The following VAV3 variants were observed in gnomAD, a reference collection of about 807,000 sequenced individuals.
VAV3 encodes the protein guanine nucleotide exchange factor VAV3.
In VAV3, 94 loss-of-function variants were observed where a neutral mutation model predicts 131.2. The ratio of observed to expected loss-of-function variants is 0.72; its 90% confidence interval spans 0.61 to 0.85. The LOEUF is 0.85. VAV3 is among the 40% of genes least tolerant of loss of function. VAV3 has a pLI of 0.00. For missense variants in VAV3, 939 were observed against 1,002.7 expected, an observed-to-expected ratio of 0.94 and a Z score of 0.86; for synonymous variants, 349 against 342.0, an observed-to-expected ratio of 1.02 and a Z score of -0.22.
chr1:107,964,370 C>T, intron 1 of VAV3: 1 of 289,600 alleles, frequency 3.5e-6, no homozygotes. Flanking sequence ...CACACACACG[C>T]AGAGTAGGTG....
chr1:107,612,917 T>G (rs1652863733), intron 21 of VAV3, among the ~76,000 whole-genome samples: 1 of 152,138 alleles, frequency 6.6e-6, no homozygotes, highest in East Asian at 1.9e-4. Context: ...TGCCTGCCTT[T>G]GAGCTAGCCA....
At chr1:107,652,212 C>T (rs1053992091) in intron 19 of VAV3, among the ~76,000 whole-genome samples, 4 of 152,042 alleles carry the variant, frequency 2.6e-5, no homozygotes, top group African/African-American at 9.7e-5. Context: ...CGGGAGTGAC[C>T]TCTCCTAGTC....
At chr1:107,667,256 A>G (rs1657475560) in intron 19 of VAV3, among the ~76,000 whole-genome samples, 1 of 152,200 alleles carries the variant, frequency 6.6e-6, no homozygotes, top group Non-Finnish European at 1.5e-5. Context: ...TCAGTTAATC[A>G]ATACACAGAA....
At chr1:107,704,822 G>T in intron 16 of VAV3, 138 bp downstream of exon 16, 1 of 1,056,714 alleles carries the variant, frequency 9.5e-7, no homozygotes, top group Non-Finnish European at 1.4e-6. Context: ...AGAAAGCCTG[G>T]CAAAGGTTTG....
intron 2 of VAV3, among the ~76,000 whole-genome samples, chr1:107,847,905 C>G (rs896598345): frequency 3.9e-5 from 6 of 152,160 alleles, no homozygotes; most frequent in African/African-American, 1.4e-4. Flanking sequence ...AGAGACTCCT[C>G]CTAACTCATT....
chr1:107,792,964 ATC>A (rs1299084581), intron 2 of VAV3, among the ~76,000 whole-genome samples: 1 of 152,142 alleles, frequency 6.6e-6, no homozygotes, highest in Non-Finnish European at 1.5e-5. Flanking sequence ...TTTAAAAGTT[ATC>A]TGTTTATCAG....
intron 13 of VAV3, 107 bp downstream of exon 13, chr1:107,751,010 T>A (rs1285183177): frequency 9.2e-7 from 1 of 1,086,560 alleles, no homozygotes; most frequent in South Asian, 1.5e-5. Context: ...CTCCTTGTAT[T>A]TCTTCCTTTT....
chr1:107,959,271 A>AAATT (rs936137011), intron 1 of VAV3, among the ~76,000 whole-genome samples: 6 of 126,064 alleles, frequency 4.8e-5, no homozygotes, highest in East Asian at 2.3e-4. Flanking sequence ...AAAAATAAAT[A>AAATT]AATTAATTAA....
At chr1:107,817,500 C>T (rs1667608855) in intron 2 of VAV3, among the ~76,000 whole-genome samples, 1 of 152,120 alleles carries the variant, frequency 6.6e-6, no homozygotes, top group Non-Finnish European at 1.5e-5. Context: ...GAGCCATTTT[C>T]TCTGTAGCAT....
At chr1:107,762,718 A>G (rs1010164239) in intron 9 of VAV3, among the ~76,000 whole-genome samples, 2 of 152,324 alleles carry the variant, frequency 1.3e-5, no homozygotes, top group East Asian at 3.9e-4. Flanking sequence ...AATGTTGAAG[A>G]AAAAAAGTCA....
At chr1:107,809,537 C>T (rs1430475450) in intron 2 of VAV3, among the ~76,000 whole-genome samples, 4 of 152,136 alleles carry the variant, frequency 2.6e-5, no homozygotes, top group African/African-American at 4.8e-5. Context: ...GTGCAAAACC[C>T]TGTCATAAAT....
intron 6 of VAV3, among the ~76,000 whole-genome samples, chr1:107,769,605 C>T (rs1664927302): frequency 6.6e-6 from 1 of 152,216 alleles, no homozygotes; most frequent in South Asian, 2.1e-4. Context: ...ATCTATTTGT[C>T]AATTCAGTCT....
At chr1:107,578,283 T>A (rs1649791960) in intron 25 of VAV3, among the ~76,000 whole-genome samples, 1 of 152,230 alleles carries the variant, frequency 6.6e-6, no homozygotes, top group Non-Finnish European at 1.5e-5. Context: ...AAAGTCCTTT[T>A]CTATTCCATT....
intron 2 of VAV3, among the ~76,000 whole-genome samples, chr1:107,848,355 C>T (rs1057418518): frequency 2.6e-5 from 4 of 151,202 alleles, no homozygotes; most frequent in Admixed American, 6.6e-5. Flanking sequence ...AATCCAGCAG[C>T]ACATGAAAAA....
At chr1:107,609,739 A>C (rs1652574160) in intron 22 of VAV3, 192 bp downstream of exon 22, 3 of 574,938 alleles carry the variant, frequency 5.2e-6, no homozygotes, top group South Asian at 5.0e-5. Flanking sequence ...ATGCACACAC[A>C]CCCCCCTCGC....
At position 107,779,181 on chromosome 1, in the gene VAV3, A is replaced by AG. The variant is rs200651979; in HGVS notation, c.380+252_380+253insC. On this transcript the variant is annotated intron_variant, in intron 3 of 26. Coordinates refer to ENST00000370056, the MANE Select transcript of VAV3 (RefSeq NM_006113.5). ...TTGGAGGAAAGTTAAAAAAAAAAAA[A>AG]AAGAAGAACCACACCAGTGACAGTC... 3.5e-3 allele frequency among the ~76,000 whole-genome samples: 535 copies of AG among 152,146 alleles called. 3 individuals are homozygous for AG. Among genetic ancestry groups the AG allele is most frequent in the African/African-American group, 0.011 (473 of 41,544 alleles).
intron 1 of VAV3, among the ~76,000 whole-genome samples, chr1:107,879,149 T>C (rs1670646931): frequency 6.6e-6 from 1 of 152,184 alleles, no homozygotes; most frequent in African/African-American, 2.4e-5. Flanking sequence ...TGCTTTCTTA[T>C]ATCAAGTTGT....
intron 21 of VAV3, among the ~76,000 whole-genome samples, chr1:107,614,982 T>C (rs895914862): frequency 6.6e-6 from 1 of 152,168 alleles, no homozygotes; most frequent in Admixed American, 6.6e-5. Flanking sequence ...ACTTTACAGA[T>C]AGGAAGCCTG....
chr1:107,580,330 C>A (rs1428986732), intron 25 of VAV3, among the ~76,000 whole-genome samples: 1 of 152,166 alleles, frequency 6.6e-6, no homozygotes, highest in Non-Finnish European at 1.5e-5. Context: ...CAGCAAAACA[C>A]CAAGCAAAGA....
Sources: gnomAD v4.1 joint callset for allele counts (sites outside exome capture counted in the v4.1 genomes callset) on GRCh38, gnomAD v4.1.1 for gene constraint, MANE v1.5 for transcripts, NCBI Gene and HGNC (gene_info 2026-07-23, HGNC 2026-07-21) for gene names.